The following DPP10 variants were observed in gnomAD, a reference collection of about 807,000 sequenced individuals.
DPP10 encodes inactive dipeptidyl peptidase 10.
A neutral mutation model predicts 120.9 loss-of-function variants in DPP10; 33 were observed. That is an observed-to-expected ratio of 0.27 (90% CI 0.21 to 0.37). DPP10 has a LOEUF of 0.37. Ranked by LOEUF, DPP10 falls within the 10% of genes least tolerant of loss-of-function variation. The probability of loss-of-function intolerance (pLI) is 1.00; values close to 1 mark genes in which losing one functional copy is unlikely to be tolerated. For synonymous variants in DPP10, 337 were observed against 326.1 expected (o/e 1.03, Z -0.36); for missense variants, 816 against 942.8 (o/e 0.87, Z 1.76).
intron 7 of DPP10, among the ~76,000 whole-genome samples, chr2:115,706,059 A>G (rs1161525703): frequency 6.6e-6 from 1 of 151,980 alleles, no homozygotes; most frequent in Non-Finnish European, 1.5e-5. Flanking sequence ...TAAATTTGCA[A>G]TGTATTTAGG....
At position 115,468,735 on chromosome 2, in the gene DPP10, A is replaced by G. The variant is rs1019052321; in HGVS notation, c.272-30775A>G. On this transcript the variant is annotated intron_variant, in intron 3 of 25. Coordinates refer to ENST00000410059, the MANE Select transcript of DPP10 (RefSeq NM_020868.6). ...ATGACCAAGGAAGAAGAATTTCAGG[A>G]TGAATGGCCTACTGTAGCTCCTGAG... 8.3e-5 allele frequency: 32 copies of G among 387,846 alleles called. No homozygotes were observed. In the East Asian group the frequency reaches 1.8e-3, roughly 22 times the overall value. The allele number at this position is 387,846 out of a possible 1,614,324, so 24.0% of individuals were successfully genotyped here.
intron 1 of DPP10, among the ~76,000 whole-genome samples, chr2:114,452,542 C>A (rs1045397214): frequency 6.6e-6 from 1 of 152,064 alleles, no homozygotes; most frequent in Non-Finnish European, 1.5e-5. Flanking sequence ...AATAGGCAAA[C>A]GTGAGCATTG....
intron 3 of DPP10, among the ~76,000 whole-genome samples, chr2:115,446,213 C>G (rs2072571907): frequency 1.3e-5 from 2 of 152,176 alleles, no homozygotes; most frequent in Non-Finnish European, 2.9e-5. Flanking sequence ...GCAACATTTG[C>G]CTAGATTTTA....
chr2:115,689,620 G>A, intron 5 of DPP10, 67 bp from the exon 6 acceptor site: 1 of 1,050,122 alleles, frequency 9.5e-7, no homozygotes, highest in Admixed American at 2.9e-5. Context: ...ATGTTACTAA[G>A]AATATATATA....
At chr2:115,107,424 T>C (rs2049004714) in intron 1 of DPP10, among the ~76,000 whole-genome samples, 1 of 66,186 alleles carries the variant, frequency 1.5e-5, no homozygotes, top group Non-Finnish European at 2.5e-5. Context: ...GGTTATAGCT[T>C]TTTTTTTTTT....
chr2:114,935,365 C>T (rs1446129988), intron 1 of DPP10, among the ~76,000 whole-genome samples: 4 of 152,056 alleles, frequency 2.6e-5, no homozygotes, highest in African/African-American at 4.8e-5. Context: ...AGTCCAAAGT[C>T]GGAACTCTTT....
At chr2:114,581,957 C>T (rs1690562925) in intron 1 of DPP10, among the ~76,000 whole-genome samples, 1 of 152,126 alleles carries the variant, frequency 6.6e-6, no homozygotes, top group Admixed American at 6.5e-5. Context: ...CCTGTATTGA[C>T]ACATCATTAT....
At chr2:114,491,434 A>C (rs1177111097) in intron 1 of DPP10, among the ~76,000 whole-genome samples, 2 of 152,178 alleles carry the variant, frequency 1.3e-5, no homozygotes, top group African/African-American at 4.8e-5. Context: ...TTTGTATAAA[A>C]ATCAGTCTAT....
chr2:114,932,302 A>G (rs1558893105), intron 1 of DPP10, among the ~76,000 whole-genome samples: 1 of 152,230 alleles, frequency 6.6e-6, no homozygotes. Context: ...CAACAATTTC[A>G]TGACTAAGTA....
At chr2:114,973,579 A>G (rs1351164926) in intron 1 of DPP10, among the ~76,000 whole-genome samples, 2 of 137,392 alleles carry the variant, frequency 1.5e-5, no homozygotes, top group African/African-American at 2.7e-5. Context: ...GGAGAATGGC[A>G]TGAACCCGGG....
At chr2:115,382,555 G>T (rs951546679) in intron 3 of DPP10, among the ~76,000 whole-genome samples, 6 of 152,188 alleles carry the variant, frequency 3.9e-5, no homozygotes, top group Non-Finnish European at 8.8e-5. Context: ...GACTGGAGCT[G>T]TTCCTATTCG....
At chr2:114,494,356 G>A (rs13397978) in intron 1 of DPP10, among the ~76,000 whole-genome samples, 10,279 of 152,126 alleles carry the variant, frequency 0.068, 1,139 homozygotes, top group African/African-American at 0.23. Flanking sequence ...TTTTACATAG[G>A]GAGTGTGCAA....
At chr2:115,132,652 A>G (rs2050420320) in intron 1 of DPP10, among the ~76,000 whole-genome samples, 1 of 152,082 alleles carries the variant, frequency 6.6e-6, no homozygotes, top group Non-Finnish European at 1.5e-5. Flanking sequence ...GGGAGGGGAT[A>G]TAATGAGGTG....
At chr2:115,725,388 A>C (rs1342610265) in intron 7 of DPP10, among the ~76,000 whole-genome samples, 2 of 152,204 alleles carry the variant, frequency 1.3e-5, no homozygotes, top group Non-Finnish European at 2.9e-5. Flanking sequence ...TTTCATGAAG[A>C]CAGCTACTTA....
chr2:114,915,058 G>A (rs1409357498), intron 1 of DPP10, among the ~76,000 whole-genome samples: 2 of 152,024 alleles, frequency 1.3e-5, no homozygotes, highest in African/African-American at 4.8e-5. Flanking sequence ...GTGAACCCGG[G>A]AGGCGGAGCT....
chr2:115,404,561 G>A (rs551832652), intron 3 of DPP10, among the ~76,000 whole-genome samples: 9 of 152,232 alleles, frequency 5.9e-5, no homozygotes, highest in African/African-American at 2.2e-4. Context: ...TTGTGAAAAT[G>A]TTTATGCTAC....
chr2:115,644,335 C>T (rs908892618), intron 5 of DPP10, among the ~76,000 whole-genome samples: 9 of 152,152 alleles, frequency 5.9e-5, no homozygotes, highest in Admixed American at 3.9e-4. Flanking sequence ...GCAACAGGCC[C>T]CGGTGTGTGA....
chr2:115,611,570 C>G (rs750516491), intron 5 of DPP10, among the ~76,000 whole-genome samples: 2 of 152,154 alleles, frequency 1.3e-5, no homozygotes, highest in African/African-American at 4.8e-5. Flanking sequence ...TTTCTAACTT[C>G]CTCCAGAAAT....
chr2:115,586,460 T>C (rs2082296025), intron 5 of DPP10, among the ~76,000 whole-genome samples: 1 of 152,226 alleles, frequency 6.6e-6, no homozygotes, highest in African/African-American at 2.4e-5. Flanking sequence ...GAAAAGATTC[T>C]GAGATGTAGG....
Sources: allele counts gnomAD v4.1 joint callset (sites outside exome capture counted in the v4.1 genomes callset), GRCh38; gene constraint gnomAD v4.1.1; transcripts MANE v1.5; gene names NCBI Gene and HGNC (gene_info 2026-07-23, HGNC 2026-07-21).